The following CSMD1 variants were observed in gnomAD, a reference collection of about 807,000 sequenced individuals.
The protein encoded by CSMD1 is CUB and sushi domain-containing protein 1.
A neutral mutation model predicts 417.5 loss-of-function variants in CSMD1; 213 were observed. The observed-to-expected ratio is 0.51, with a 90% CI of 0.46 to 0.57. The LOEUF (loss-of-function observed/expected upper bound fraction) is 0.57, where lower values mean the gene tolerates loss of function less well. Ranked by LOEUF, CSMD1 falls within the 20% of genes least tolerant of loss-of-function variation. The pLI, the probability that CSMD1 is intolerant of heterozygous loss-of-function variation, is 0.00. For missense variants in CSMD1, 6,923 were observed against 4,529.7 expected, an observed-to-expected ratio of 1.53 and a Z score of -15.17; for synonymous variants, 2,862 against 1,736.8, an observed-to-expected ratio of 1.65 and a Z score of -16.11.
At chr8:3,053,982 G>A (rs1400833492) in intron 49 of CSMD1, among the ~76,000 whole-genome samples, 3 of 152,084 alleles carry the variant, frequency 2.0e-5, no homozygotes, top group Non-Finnish European at 4.4e-5. Flanking sequence ...GGGAAGGGCT[G>A]GATGAAGAAA....
At chr8:4,694,129 T>C (rs1370977359) in intron 1 of CSMD1, among the ~76,000 whole-genome samples, 1 of 152,172 alleles carries the variant, frequency 6.6e-6, no homozygotes, top group Non-Finnish European at 1.5e-5. Flanking sequence ...CCTCACGATT[T>C]GTCCACGGGA....
intron 3 of CSMD1, among the ~76,000 whole-genome samples, chr8:4,347,996 G>A (rs868732507): frequency 2.4e-4 from 37 of 152,026 alleles, no homozygotes; most frequent in Non-Finnish European, 4.3e-4. Flanking sequence ...GCAAACATGC[G>A]TCACTTATTT....
At chr8:3,150,440 G>A (rs1229024774) in intron 40 of CSMD1, among the ~76,000 whole-genome samples, 1 of 152,134 alleles carries the variant, frequency 6.6e-6, no homozygotes, top group Admixed American at 6.5e-5. Flanking sequence ...TCATTCCCCG[G>A]CCACTCTCTG....
At chr8:3,591,643 C>A (rs1045276656) in intron 8 of CSMD1, among the ~76,000 whole-genome samples, 1 of 152,170 alleles carries the variant, frequency 6.6e-6, no homozygotes, top group Non-Finnish European at 1.5e-5. Context: ...CCACACTGCT[C>A]AGCGTCTACT....
chr8:3,307,576 C>T, intron 25 of CSMD1, 119 bp downstream of exon 25: 1 of 1,197,872 alleles, frequency 8.3e-7, no homozygotes, highest in Non-Finnish European at 1.2e-6. Flanking sequence ...ACAGCTTTAC[C>T]TTTTCTTCTT....
At chr8:3,991,702 C>G (rs1027658963) in intron 5 of CSMD1, among the ~76,000 whole-genome samples, 1 of 152,036 alleles carries the variant, frequency 6.6e-6, no homozygotes, top group African/African-American at 2.4e-5. Context: ...AGTGGAGTGC[C>G]GACACACTGC....
chr8:3,361,259 T>G (rs923075775), intron 20 of CSMD1, among the ~76,000 whole-genome samples: 3 of 152,220 alleles, frequency 2.0e-5, no homozygotes, highest in Admixed American at 2.0e-4. Context: ...TACCTTGCTG[T>G]TATCATTCTA....
chr8:3,275,761 C>G (rs573691393), intron 26 of CSMD1, among the ~76,000 whole-genome samples: 3 of 152,164 alleles, frequency 2.0e-5, no homozygotes, highest in Non-Finnish European at 4.4e-5. Flanking sequence ...AGTTCTGGAG[C>G]TTTGGTTTTC....
intron 48 of CSMD1, among the ~76,000 whole-genome samples, chr8:3,087,786 C>T (rs931186752): frequency 2.0e-5 from 3 of 152,344 alleles, no homozygotes; most frequent in African/African-American, 7.2e-5. Context: ...TTTGAATGAC[C>T]TCACTCACCT....
intron 2 of CSMD1, among the ~76,000 whole-genome samples, chr8:4,457,736 G>A (rs1257078921): frequency 6.6e-6 from 1 of 152,266 alleles, no homozygotes; most frequent in African/African-American, 2.4e-5. Flanking sequence ...GTGCTCCTCT[G>A]TATGGGATCC....
At chr8:4,534,422 C>G (rs1796995731) in intron 2 of CSMD1, among the ~76,000 whole-genome samples, 1 of 152,208 alleles carries the variant, frequency 6.6e-6, no homozygotes, top group Non-Finnish European at 1.5e-5. Context: ...CCTTTACTCT[C>G]TTGCCAGAGT....
intron 3 of CSMD1, among the ~76,000 whole-genome samples, chr8:4,406,350 T>C (rs1181228851): frequency 6.6e-6 from 1 of 152,078 alleles, no homozygotes. Context: ...TGACAGAATT[T>C]AGGGAAAGAG....
chr8:3,862,618 T>C (rs954210581), intron 5 of CSMD1, among the ~76,000 whole-genome samples: 8 of 152,242 alleles, frequency 5.3e-5, no homozygotes, highest in Non-Finnish European at 1.2e-4. Context: ...CATACTATAT[T>C]TCTCTATTTG....
chr8:3,707,698 G>C (rs1020349790), intron 7 of CSMD1, among the ~76,000 whole-genome samples: 1 of 152,194 alleles, frequency 6.6e-6, no homozygotes, highest in African/African-American at 2.4e-5. Flanking sequence ...TCTGCATAGT[G>C]AGTCTCCAAG....
intron 17 of CSMD1, 60 bp from the exon 18 acceptor site, chr8:3,387,742 A>G: frequency 7.4e-7 from 1 of 1,359,166 alleles, no homozygotes; most frequent in Non-Finnish European, 1.0e-6. Context: ...AAAATAATAG[A>G]GACCCACGCC....
intron 10 of CSMD1, among the ~76,000 whole-genome samples, chr8:3,505,940 C>T (rs150766595): frequency 6.6e-6 from 1 of 152,170 alleles, no homozygotes; most frequent in East Asian, 1.9e-4. Flanking sequence ...AGAATGATCT[C>T]CAAAAAGTTA....
Position 3,462,547 on chromosome 8 carries a change from T to C in CSMD1, c.1561+6165A>G, listed in dbSNP as rs139650979. The stretch of plus-strand genomic sequence containing the variant: ...CCCTTTATGAGAATCTAATACCTGA[T>C]GATCTGTCACTGTCTCCCATCACCC... On this transcript the variant is annotated intron_variant, in intron 12 of 69. Coordinates refer to ENST00000635120, the MANE Select transcript of CSMD1 (RefSeq NM_033225.6). Among the ~76,000 whole-genome samples the C allele has an allele frequency of 9.0e-3, 1,369 of 152,310 alleles. 16 individuals carry two copies. The highest frequency in any genetic ancestry group is 0.013 in the Non-Finnish European group (879 of 68,018).
At chr8:4,449,802 G>C (rs1199290423) in intron 2 of CSMD1, among the ~76,000 whole-genome samples, 1 of 152,100 alleles carries the variant, frequency 6.6e-6, no homozygotes, top group East Asian at 1.9e-4. Flanking sequence ...TTACATAACA[G>C]AGCCCTGCAA....
chr8:3,893,362 T>TATATA (rs1554476819), intron 5 of CSMD1, among the ~76,000 whole-genome samples: 13 of 125,554 alleles, frequency 1.0e-4, no homozygotes, highest in East Asian at 6.9e-4. Context: ...TATATATATA[T>TATATA]TATTTTTTTT....
Sources: allele counts gnomAD v4.1 joint callset (sites outside exome capture counted in the v4.1 genomes callset), GRCh38; gene constraint gnomAD v4.1.1; transcripts MANE v1.5; gene names NCBI Gene and HGNC (gene_info 2026-07-23, HGNC 2026-07-21).